The following DRC10 variants were observed in gnomAD, a reference collection of about 807,000 sequenced individuals.
DRC10 encodes the protein dynein regulatory complex subunit 10, also known as IQ domain-containing protein D.
chr12:113,208,000 A>G, the DRC10 span: 47 of 1,614,098 alleles, frequency 2.9e-5, no homozygotes, highest in Non-Finnish European at 3.1e-5. Context: ...CGCCTCATCC[A>G]GGATGGACAT....
chr12:113,200,702 T>C, the DRC10 span: 2 of 1,536,098 alleles, frequency 1.3e-6, no homozygotes, highest in African/African-American at 1.4e-5. Flanking sequence ...AAATCGGCCT[T>C]CTGCTGCTTC....
the DRC10 span, chr12:113,208,436 G>T: frequency 9.3e-7 from 1 of 1,074,606 alleles, no homozygotes. Context: ...GGCCACAAGG[G>T]CAGGAAGACC....
the DRC10 span, among the ~76,000 whole-genome samples, chr12:113,202,002 C>T: frequency 6.6e-6 from 1 of 152,326 alleles, no homozygotes; most frequent in East Asian, 1.9e-4. Flanking sequence ...GCATTTGAGC[C>T]CAGGTCAGTC....
chr12:113,208,188 C>T, the DRC10 span: 23 of 1,593,626 alleles, frequency 1.4e-5, no homozygotes, highest in Admixed American at 3.8e-4. Flanking sequence ...CCCTCTGTGC[C>T]TCTGTAGGTC....
chr12:113,203,981 CTG>C, the DRC10 span, among the ~76,000 whole-genome samples: 476 of 152,138 alleles, frequency 3.1e-3, no homozygotes, highest in Non-Finnish European at 4.6e-3. Context: ...TGGCATGTGC[CTG>C]TAGTCACAGC....
the DRC10 span, among the ~76,000 whole-genome samples, chr12:113,201,364 G>C: frequency 6.6e-6 from 1 of 152,216 alleles, no homozygotes; most frequent in Non-Finnish European, 1.5e-5. Context: ...CCTGAAGCCA[G>C]GTTTGTCTGA....
chr12:113,212,665 C>T, the DRC10 span, among the ~76,000 whole-genome samples: 1 of 152,192 alleles, frequency 6.6e-6, no homozygotes, highest in African/African-American at 2.4e-5. Flanking sequence ...TATGATGACA[C>T]CCATCATTTC....
At chr12:113,207,433 A>T in the DRC10 span, 1 of 1,605,144 alleles carries the variant, frequency 6.2e-7, no homozygotes, top group Non-Finnish European at 8.5e-7. Flanking sequence ...ACTATGAAAC[A>T]ATACCTCTGC....
At chr12:113,195,698 G>C in the DRC10 span, 1 of 1,613,390 alleles carries the variant, frequency 6.2e-7, no homozygotes, top group Non-Finnish European at 8.5e-7. Context: ...CCTTCCATAG[G>C]GCCTGGATGA....
the DRC10 span, among the ~76,000 whole-genome samples, chr12:113,212,403 G>C: frequency 6.6e-6 from 1 of 152,092 alleles, no homozygotes; most frequent in Admixed American, 6.5e-5. Context: ...AAAAGTTTTA[G>C]GGACAGCCAT....
At chr12:113,203,777 ATTTTTTTTTTTT>A in the DRC10 span, among the ~76,000 whole-genome samples, 1 of 96,970 alleles carries the variant, frequency 1.0e-5, no homozygotes, top group Non-Finnish European at 1.9e-5. Context: ...TGCCCAGCTA[ATTTTTTTTTTTT>A]TTTTTTTTTT....
At chr12:113,216,633 A>G in the DRC10 span, among the ~76,000 whole-genome samples, 3 of 152,038 alleles carry the variant, frequency 2.0e-5, no homozygotes, top group Non-Finnish European at 2.9e-5. Flanking sequence ...TGCATGTGGG[A>G]ATAGGGGGTA....
chr12:113,207,707 T>C, the DRC10 span: 1 of 1,614,162 alleles, frequency 6.2e-7, no homozygotes, highest in Non-Finnish European at 8.5e-7. Flanking sequence ...CTAAGGACGT[T>C]CTTGGTGGAG....
the DRC10 span, chr12:113,207,309 C>T: frequency 1.2e-6 from 1 of 812,310 alleles, no homozygotes. Context: ...GATTACACCA[C>T]TGCACTCTAG....
the DRC10 span, among the ~76,000 whole-genome samples, chr12:113,219,792 C>T: frequency 6.7e-6 from 1 of 149,348 alleles, no homozygotes; most frequent in Admixed American, 6.6e-5. Flanking sequence ...CCCACCTCAG[C>T]CTTATTTATT....
At chr12:113,200,539 CAGGG>C in the DRC10 span, 1 of 1,349,190 alleles carries the variant, frequency 7.4e-7, no homozygotes. Context: ...TCCCCCCCAC[CAGGG>C]GCCCCCTCGG....
At chr12:113,207,813 C>T in the DRC10 span, 1 of 1,614,188 alleles carries the variant, frequency 6.2e-7, no homozygotes, top group Non-Finnish European at 8.5e-7. Flanking sequence ...CAGCCTCTTT[C>T]TGCTCCTGCA....
the DRC10 span, chr12:113,200,222 C>T: frequency 9.9e-6 from 4 of 405,954 alleles, no homozygotes; most frequent in Non-Finnish European, 1.9e-5. Context: ...GCTACTTCTT[C>T]ATTCCTTTGC....
At chr12:113,203,806 G>C in the DRC10 span, among the ~76,000 whole-genome samples, 1 of 91,204 alleles carries the variant, frequency 1.1e-5, no homozygotes, top group African/African-American at 4.2e-5. Context: ...TTTTTTTGTA[G>C]AGATGGGGTT....
Sources: gnomAD v4.1 joint callset for allele counts (sites outside exome capture counted in the v4.1 genomes callset) on GRCh38, gnomAD v4.1.1 for gene constraint, MANE v1.5 for transcripts, NCBI Gene and HGNC (gene_info 2026-07-23, HGNC 2026-07-21) for gene names.